Variants in VMP1 observed in about 807,000 individuals in gnomAD.
VMP1 encodes vacuole membrane protein 1, also known as ectopic P-granules autophagy protein 3 homolog.
In VMP1, 11 loss-of-function variants were observed where a neutral mutation model predicts 56.0. The ratio of observed to expected loss-of-function variants is 0.20; its 90% confidence interval spans 0.12 to 0.32. The LOEUF is 0.32. Among genes scored for constraint, VMP1 ranks in the 10% least tolerant of loss-of-function variants. VMP1 has a pLI of 1.00. For synonymous variants in VMP1, 149 were observed against 165.0 expected (o/e 0.90, Z 0.74); for missense variants, 296 against 490.3 (o/e 0.60, Z 3.74).
intron 10 of VMP1, among the ~76,000 whole-genome samples, chr17:59,826,158 G>A (rs950097539): frequency 9.9e-5 from 15 of 152,168 alleles, no homozygotes; most frequent in African/African-American, 2.9e-4. Flanking sequence ...TCTGCAGCTT[G>A]GGAAAACCCC....
intron 1 of VMP1, among the ~76,000 whole-genome samples, chr17:59,728,935 G>T (rs534750263): frequency 6.6e-6 from 1 of 152,146 alleles, no homozygotes; most frequent in East Asian, 1.9e-4. Flanking sequence ...CTCATTGGCA[G>T]CTACTCCCCA....
intron 1 of VMP1, among the ~76,000 whole-genome samples, chr17:59,718,220 G>A (rs1389715843): frequency 4.6e-5 from 5 of 108,424 alleles, no homozygotes; most frequent in African/African-American, 1.7e-4. Flanking sequence ...TTTGTGAGAC[G>A]GAGTCTCGCT....
At chr17:59,758,739 G>A (rs1291199082) in intron 5 of VMP1, among the ~76,000 whole-genome samples, 1 of 152,036 alleles carries the variant, frequency 6.6e-6, no homozygotes, top group Non-Finnish European at 1.5e-5. Flanking sequence ...GGTGTTGGTA[G>A]GAGGATCCCC....
In VMP1 at chr17:59,822,789, G is replaced by A. The variant is rs182373032; in HGVS notation, c.974+5016G>A. Among the ~76,000 whole-genome samples, 4 of 152,192 alleles carry A rather than the reference G, an allele frequency of 2.6e-5. No individual in the cohort carries two copies. In the East Asian group the frequency reaches 5.8e-4, roughly 22 times the overall value. On this transcript the variant is annotated intron_variant, in intron 10 of 11. Transcript: ENST00000262291. ...AGTACTTTATTTCAGAAAAGAGGAG[G>A]TGAACAGCTGGATTTCCTCACTAGA...
chr17:59,800,079 A>G (rs1385547405), intron 7 of VMP1, among the ~76,000 whole-genome samples: 4 of 152,198 alleles, frequency 2.6e-5, no homozygotes, highest in Non-Finnish European at 4.4e-5. Context: ...AATTCAATTA[A>G]TGCTCTATAT....
intron 9 of VMP1, among the ~76,000 whole-genome samples, chr17:59,815,496 A>G (rs1455992070): frequency 6.6e-6 from 1 of 152,128 alleles, no homozygotes; most frequent in East Asian, 1.9e-4. Context: ...ATGTATTATA[A>G]TGCCTAGAAT....
At chr17:59,760,407 G>T (rs2036007520) in intron 5 of VMP1, among the ~76,000 whole-genome samples, 1 of 151,830 alleles carries the variant, frequency 6.6e-6, no homozygotes, top group Non-Finnish European at 1.5e-5. Context: ...AGATTCACAG[G>T]TATTTTTTTC....
Position 59,788,896 on chromosome 17 carries a change from A to C in VMP1, c.714+15011A>C, listed in dbSNP as rs920931023. On this transcript the variant is annotated intron_variant, in intron 7 of 11. Coordinates refer to ENST00000262291, the MANE Select transcript of VMP1 (RefSeq NM_030938.5). ...CACCTGTTTGCAGATATGGCGGTGGAAAAAGCACTGGGTAAGCATTAGGTT... is the reference window on the plus strand; with the variant it reads ...CACCTGTTTGCAGATATGGCGGTGGCAAAAGCACTGGGTAAGCATTAGGTT... 2.4e-4 allele frequency among the ~76,000 whole-genome samples: 36 copies of C among 151,764 alleles called. 3 individuals carry two copies. The highest frequency in any genetic ancestry group is 8.4e-4 in the African/African-American group (35 of 41,446).
chr17:59,751,861 C>T (rs1034973321), intron 5 of VMP1, among the ~76,000 whole-genome samples: 2 of 151,558 alleles, frequency 1.3e-5, no homozygotes, highest in Non-Finnish European at 2.9e-5. Flanking sequence ...TGTTGCCAGG[C>T]TGGAGTACAG....
At chr17:59,777,932 T>TA (rs1459337592) in intron 7 of VMP1, among the ~76,000 whole-genome samples, 3 of 152,220 alleles carry the variant, frequency 2.0e-5, no homozygotes, top group Non-Finnish European at 4.4e-5. Flanking sequence ...TTGTATTTTT[T>TA]ATGTGAGTTT....
intron 5 of VMP1, among the ~76,000 whole-genome samples, chr17:59,759,438 A>G (rs754348058): frequency 3.3e-5 from 5 of 152,120 alleles, no homozygotes; most frequent in Non-Finnish European, 7.4e-5. Flanking sequence ...GTGTTCTGTC[A>G]GTTTTTGCTT....
intron 5 of VMP1, 28 bp from the exon 6 acceptor site, chr17:59,764,943 T>C (rs1475851611): frequency 4.7e-6 from 7 of 1,481,900 alleles, no homozygotes; most frequent in African/African-American, 2.8e-5. Flanking sequence ...ATAGTTCTTA[T>C]CAGAAGTTTC....
At chr17:59,781,781 T>A (rs2036832722) in intron 7 of VMP1, among the ~76,000 whole-genome samples, 1 of 152,210 alleles carries the variant, frequency 6.6e-6, no homozygotes, top group African/African-American at 2.4e-5. Flanking sequence ...GGTGCATATA[T>A]CTTTTTTATG....
chr17:59,791,048 C>T (rs2037206356), intron 7 of VMP1, among the ~76,000 whole-genome samples: 1 of 152,128 alleles, frequency 6.6e-6, no homozygotes, highest in Non-Finnish European at 1.5e-5. Context: ...TGATGAAAGT[C>T]ACAACTGCAC....
At chr17:59,782,984 A>C (rs1230822482) in intron 7 of VMP1, among the ~76,000 whole-genome samples, 1 of 152,148 alleles carries the variant, frequency 6.6e-6, no homozygotes, top group African/African-American at 2.4e-5. Flanking sequence ...TCACGAGGTC[A>C]GGACATCGAG....
At chr17:59,770,929 A>G (rs1347912609) in intron 6 of VMP1, among the ~76,000 whole-genome samples, 1 of 151,944 alleles carries the variant, frequency 6.6e-6, no homozygotes, top group Non-Finnish European at 1.5e-5. Flanking sequence ...ACTAAATTCT[A>G]ATTAGTATAA....
At chr17:59,756,897 A>G (rs1413887765) in intron 5 of VMP1, among the ~76,000 whole-genome samples, 1 of 152,190 alleles carries the variant, frequency 6.6e-6, no homozygotes, top group Non-Finnish European at 1.5e-5. Context: ...TTGATGAAAC[A>G]TAGACATGAG....
At chr17:59,829,490 T>C (rs1200108598) in intron 10 of VMP1, among the ~76,000 whole-genome samples, 1 of 152,166 alleles carries the variant, frequency 6.6e-6, no homozygotes, top group Non-Finnish European at 1.5e-5. Context: ...AGAGCTCTAG[T>C]ATTGGTTGGT....
intron 7 of VMP1, among the ~76,000 whole-genome samples, chr17:59,795,534 G>A (rs1434469091): frequency 1.4e-5 from 2 of 146,464 alleles, no homozygotes; most frequent in Admixed American, 6.9e-5. Flanking sequence ...AACAATGGTC[G>A]GGCATGGTGG....
Sources: gnomAD v4.1 joint callset for allele counts (sites outside exome capture counted in the v4.1 genomes callset) on GRCh38, gnomAD v4.1.1 for gene constraint, MANE v1.5 for transcripts, NCBI Gene and HGNC (gene_info 2026-07-23, HGNC 2026-07-21) for gene names.